The following MTMR14 variants were observed in gnomAD, a reference collection of about 807,000 sequenced individuals.
MTMR14 encodes the protein myotubularin related protein 14.
A neutral mutation model predicts 86.3 loss-of-function variants in MTMR14; 48 were observed. That is an observed-to-expected ratio of 0.56 (90% CI 0.44 to 0.71). The LOEUF (loss-of-function observed/expected upper bound fraction) is 0.71, where lower values mean the gene tolerates loss of function less well. MTMR14 is among the 30% of genes least tolerant of loss of function. The probability of loss-of-function intolerance (pLI) is 0.00; values close to 1 mark genes in which losing one functional copy is unlikely to be tolerated. For missense variants in MTMR14, 780 were observed against 834.6 expected, an observed-to-expected ratio of 0.93 and a Z score of 0.81; for synonymous variants, 366 against 326.1, an observed-to-expected ratio of 1.12 and a Z score of -1.32.
intron 9 of MTMR14, among the ~76,000 whole-genome samples, chr3:9,682,097 T>C (rs2075787261): frequency 6.6e-6 from 1 of 152,246 alleles, no homozygotes; most frequent in African/African-American, 2.4e-5. Flanking sequence ...TTCCTTGCCC[T>C]GTGAGAATCA....
intron 6 of MTMR14, among the ~76,000 whole-genome samples, chr3:9,671,527 T>A (rs1003963328): frequency 3.3e-5 from 5 of 152,190 alleles, no homozygotes; most frequent in African/African-American, 7.2e-5. Context: ...TTTTTTTAAT[T>A]TATTTTTCAT....
intron 1 of MTMR14, chr3:9,650,212 G>A (rs1248412591): frequency 3.8e-5 from 16 of 421,398 alleles, no homozygotes; most frequent in Non-Finnish European, 7.7e-5. Flanking sequence ...GCATGACTTA[G>A]GCCCATCCCT....
rs1488771225 is a variant in MTMR14, at chr3:9,680,916, G to A, written c.898-2262G>A. On this transcript the variant is annotated intron_variant, in intron 9 of 18. Coordinates refer to ENST00000296003, the MANE Select transcript of MTMR14 (RefSeq NM_001077525.3). Reference sequence around the variant, plus strand: ...GTGCTGTTTTCTCTGCCAGAAACACGTGTCTCCTTTCTCTGTTGCTTATGC... The same window carrying A: ...GTGCTGTTTTCTCTGCCAGAAACACATGTCTCCTTTCTCTGTTGCTTATGC... Among the ~76,000 whole-genome samples, 5 of 152,224 alleles carry A rather than the reference G, an allele frequency of 3.3e-5. No homozygotes were observed. In the South Asian group the frequency reaches 8.3e-4, roughly 25 times the overall value.
chr3:9,672,448 C>T (rs2125142314), intron 6 of MTMR14, among the ~76,000 whole-genome samples: 1 of 152,284 alleles, frequency 6.6e-6, no homozygotes, highest in South Asian at 2.1e-4. Context: ...ACCATGTTGT[C>T]CAGGCTGGTC....
At chr3:9,657,897 C>G (rs554348065) in intron 2 of MTMR14, among the ~76,000 whole-genome samples, 1 of 152,244 alleles carries the variant, frequency 6.6e-6, no homozygotes, top group South Asian at 2.1e-4. Context: ...AGTAATTTGC[C>G]TTTGCCGAAG....
chr3:9,650,187 C>T (rs769297034), intron 1 of MTMR14: 1 of 376,986 alleles, frequency 2.7e-6, no homozygotes, highest in South Asian at 1.9e-5. Flanking sequence ...TGTGCTGCCC[C>T]CTTATAAGGT....
intron 1 of MTMR14, chr3:9,650,188 C>T (rs1247606731): frequency 5.2e-6 from 2 of 381,396 alleles, no homozygotes; most frequent in South Asian, 1.9e-5. Context: ...GTGCTGCCCC[C>T]TTATAAGGTC....
chr3:9,655,033 G>T (rs1240159258), intron 2 of MTMR14, among the ~76,000 whole-genome samples: 2 of 152,122 alleles, frequency 1.3e-5, no homozygotes, highest in East Asian at 3.9e-4. Context: ...TGGGTTGTGT[G>T]TGGGTATCAG....
Position 9,677,658 on chromosome 3 carries a change from T to C in MTMR14, c.822+271T>C, listed in dbSNP as rs1027737182. Among the ~76,000 whole-genome samples, 19 of 152,164 alleles carry C rather than the reference T, an allele frequency of 1.2e-4. No individual in the cohort carries two copies. The highest frequency in any genetic ancestry group is 5.9e-5 in the Non-Finnish European group (4 of 68,028). Reference sequence around the variant, plus strand: ...TAGGAAAAGCCCTTCCCTTCTGTACTCTCTGTGTGAAAGCTGGGGGCAGCA... The same window carrying C: ...TAGGAAAAGCCCTTCCCTTCTGTACCCTCTGTGTGAAAGCTGGGGGCAGCA... On this transcript the variant is annotated intron_variant, in intron 8 of 18. Transcript: ENST00000296003. This position sits in a 1 kb window ranked among gnomAD's most constrained non-coding sequence, Gnocchi z 4.2.
chr3:9,668,803 TGAACAGCATC>T lies in MTMR14; in HGVS notation c.493+10_493+19del, dbSNP rs2048401682. On this transcript the variant is annotated intron_variant, in intron 4 of 18. Transcript: ENST00000296003. ...CAACTATTTTTTCTCAGGTGAATGT[TGAACAGCATC>T]CTCTGATGTAGAATGAGAACCCAGT... is the stretch of plus-strand genomic sequence containing the variant. The T allele has an allele frequency of 6.2e-7, 1 of 1,613,728 alleles. No homozygotes were observed. Among genetic ancestry groups the T allele is most frequent in the African/African-American group, 1.3e-5 (1 of 74,902 alleles).
At chr3:9,650,226 C>A in intron 1 of MTMR14, 1 of 432,448 alleles carries the variant, frequency 2.3e-6, no homozygotes, top group Non-Finnish European at 4.7e-6. Flanking sequence ...CATCCCTTTC[C>A]TTCCCCTATA....
At chr3:9,654,943 G>A (rs2047511124) in intron 2 of MTMR14, among the ~76,000 whole-genome samples, 1 of 152,214 alleles carries the variant, frequency 6.6e-6, no homozygotes, top group South Asian at 2.1e-4. Context: ...TTGGAAGGAT[G>A]AGCAGGAGTT....
In MTMR14 at chr3:9,684,885, C is replaced by A; in HGVS notation, c.1051-3C>A. On this transcript the variant is annotated splice_polypyrimidine_tract_variant and splice_region_variant and intron_variant, in intron 11 of 18. Transcript: ENST00000296003. ...CTGTCACATCTCCTGTGGTCTCTTC[C>A]AGGATGGGCTCATCCACACGTCCCT... is the stretch of plus-strand genomic sequence containing the variant. The A allele has an allele frequency of 6.2e-7, 1 of 1,614,066 alleles. No individual in the cohort carries two copies. Among genetic ancestry groups the A allele is most frequent in the Non-Finnish European group, 8.5e-7 (1 of 1,179,942 alleles).
chr3:9,692,201 C>T lies in MTMR14; in HGVS notation c.1613+2058C>T, dbSNP rs533613359. On this transcript the variant is annotated intron_variant, in intron 17 of 18. Transcript: ENST00000296003. The stretch of plus-strand genomic sequence containing the variant: ...GAAGCTGTCTGTGACAGCCAAAATT[C>T]TCCTAATGTGAATTCTTTGGGTTTT... Among the ~76,000 whole-genome samples, 27 of 152,304 alleles carry T rather than the reference C, an allele frequency of 1.8e-4. 1 individual carries two copies. The highest frequency in any genetic ancestry group is 1.0e-3 in the South Asian group (5 of 4,828).
At chr3:9,650,785 CT>C (rs111650884) in intron 1 of MTMR14, among the ~76,000 whole-genome samples, 424 of 139,730 alleles carry the variant, frequency 3.0e-3, no homozygotes, top group East Asian at 0.014. Flanking sequence ...CTGGAATTTG[CT>C]TTTTTTTTTT....
chr3:9,685,371 CT>C (rs2075907052), intron 13 of MTMR14, 124 bp downstream of exon 13: 1 of 1,167,254 alleles, frequency 8.6e-7, no homozygotes, highest in Non-Finnish European at 1.3e-6. Flanking sequence ...ATGTGGCCCC[CT>C]GTCATCTCCT....
rs755617008 is a variant in MTMR14, at chr3:9,689,031, C to A, written c.1382C>A (p.Thr461Asn). 14 of 1,613,820 alleles carry A rather than the reference C, an allele frequency of 8.7e-6. No individual in the cohort carries two copies. The highest frequency in any genetic ancestry group is 1.1e-5 in the Non-Finnish European group (13 of 1,180,036). The change falls in exon 16 of 19, where the codon ACC becomes AAC. Residue 461 changes from threonine to asparagine, a missense_variant. Thr to Asn is a moderately conservative substitution (Grantham distance 65). Coordinates refer to ENST00000296003, the MANE Select transcript of MTMR14 (RefSeq NM_001077525.3). Reference sequence around the variant, plus strand: ...TCCCCAGGAGCCACTGGGAGCTTCACCTATGAGGCCGTGGAGCTGGTCCCA... The same window carrying A: ...TCCCCAGGAGCCACTGGGAGCTTCAACTATGAGGCCGTGGAGCTGGTCCCA... ...ESSPGATGSF[T>N]YEAVELVPAG... is the part of the protein sequence containing the mutation.
chr3:9,671,672 G>T (rs2048572901), intron 6 of MTMR14, among the ~76,000 whole-genome samples: 1 of 151,826 alleles, frequency 6.6e-6, no homozygotes, highest in African/African-American at 2.4e-5. Flanking sequence ...TTTTAAAATT[G>T]AACAAAAAAA....
At chr3:9,653,164 C>T (rs372430142) in intron 1 of MTMR14, among the ~76,000 whole-genome samples, 7 of 151,902 alleles carry the variant, frequency 4.6e-5, no homozygotes, top group African/African-American at 1.2e-4. Context: ...GAACCCCGGA[C>T]GCGGAGGCTG....
Sources: gnomAD v4.1 joint callset for allele counts (sites outside exome capture counted in the v4.1 genomes callset) on GRCh38, gnomAD v4.1.1 for gene constraint, Gnocchi (gnomAD v3.1) non-coding constraint, MANE v1.5 for transcripts, NCBI Gene and HGNC (gene_info 2026-07-23, HGNC 2026-07-21) for gene names.